SEMA6A: variants seen among roughly 807,000 people sequenced by gnomAD.
SEMA6A encodes the protein semaphorin-6A.
SEMA6A carries 25 observed loss-of-function variants against 96.8 expected under a neutral mutation model. That is an observed-to-expected ratio of 0.26 (90% CI 0.19 to 0.36). The LOEUF is 0.36. Among genes scored for constraint, SEMA6A ranks in the 10% least tolerant of loss-of-function variants. The probability of loss-of-function intolerance (pLI) is 1.00; values close to 1 mark genes in which losing one functional copy is unlikely to be tolerated. For synonymous variants in SEMA6A, 612 were observed against 518.0 expected (o/e 1.18, Z -2.46); for missense variants, 1,363 against 1,323.1 (o/e 1.03, Z -0.47).
intron 1 of SEMA6A, among the ~76,000 whole-genome samples, chr5:116,557,967 C>A (rs964679024): frequency 6.6e-6 from 1 of 152,208 alleles, no homozygotes; most frequent in African/African-American, 2.4e-5. Context: ...GGTTTCTCGG[C>A]ATTATGATAC....
At chr5:116,544,828 C>T (rs1760117526) in intron 1 of SEMA6A, among the ~76,000 whole-genome samples, 1 of 152,178 alleles carries the variant, frequency 6.6e-6, no homozygotes, top group South Asian at 2.1e-4. Context: ...ATATAGTGAA[C>T]CCCAAGCTTC....
chr5:116,536,362 T>A (rs982615064), intron 1 of SEMA6A: 2 of 152,026 alleles, frequency 1.3e-5, no homozygotes, highest in Non-Finnish European at 2.9e-5. Flanking sequence ...TTTAAATAGA[T>A]GAAGCTAACC....
At chr5:116,533,117 A>C (rs1407171923) in intron 1 of SEMA6A, among the ~76,000 whole-genome samples, 1 of 152,204 alleles carries the variant, frequency 6.6e-6, no homozygotes, top group East Asian at 1.9e-4. Context: ...TTTTACTGTT[A>C]ATTCAAACTA....
chr5:116,466,346 T>C (rs1449139312), intron 18 of SEMA6A, among the ~76,000 whole-genome samples: 5 of 142,758 alleles, frequency 3.5e-5, no homozygotes, highest in African/African-American at 1.3e-4. Context: ...ACCACTGCAC[T>C]CCAGCGTAGG....
At chr5:116,501,730 A>T (rs1757891284) in intron 3 of SEMA6A, among the ~76,000 whole-genome samples, 3 of 152,306 alleles carry the variant, frequency 2.0e-5, no homozygotes, top group South Asian at 4.1e-4. Context: ...TCTACTAAAA[A>T]TACCAAATTA....
chr5:116,491,922 T>C (rs920385523), intron 6 of SEMA6A, 92 bp from the exon 7 acceptor site: 3 of 968,630 alleles, frequency 3.1e-6, no homozygotes, highest in African/African-American at 3.2e-5. Context: ...ACAGGCCTTT[T>C]GTAATCTGTA....
In SEMA6A at chr5:116,478,675, A is replaced by G; in HGVS notation, c.1294T>C (p.Tyr432His). 6.2e-7 allele frequency: 1 copy of G among 1,613,810 alleles called. No homozygotes were observed. The highest frequency in any genetic ancestry group is 1.3e-5 in the African/African-American group (1 of 75,042). Residue 432 changes from tyrosine to histidine, a missense_variant, in exon 13 of 19, where the codon TAT becomes CAT. This residue lies in a region of SEMA6A where 480 missense variants were observed against 559.5 expected (regional missense o/e 0.86). Coordinates refer to ENST00000343348, the MANE Select transcript of SEMA6A (RefSeq NM_020796.5). ...AGAAAAACCACAGTGTGATTCTGATATGGCCCAGCAGCTGTGTCCACTGCA... is the reference window on the plus strand; with the variant it reads ...AGAAAAACCACAGTGTGATTCTGATGTGGCCCAGCAGCTGTGTCCACTGCA... ...KIAVDTAAGP[Y>H]QNHTVVFLGS...
chr5:116,449,639 C>T (rs1331364736), intron 18 of SEMA6A: 1 of 321,718 alleles, frequency 3.1e-6, no homozygotes, highest in Non-Finnish European at 5.7e-6. Flanking sequence ...GTCCTCCTCC[C>T]TTCAATTGTG....
chr5:116,558,885 C>G (rs1190243249), intron 1 of SEMA6A, among the ~76,000 whole-genome samples: 3 of 152,118 alleles, frequency 2.0e-5, no homozygotes, highest in African/African-American at 7.2e-5. Flanking sequence ...TATAAATATG[C>G]CCAACATTGA....
chr5:116,497,106 A>G (rs903205919), intron 4 of SEMA6A, among the ~76,000 whole-genome samples: 6 of 152,386 alleles, frequency 3.9e-5, no homozygotes, highest in South Asian at 2.1e-4. Flanking sequence ...TTCAAAATGT[A>G]TATGTACACA....
At chr5:116,543,199 CAACT>C (rs1439540125) in intron 1 of SEMA6A, among the ~76,000 whole-genome samples, 1 of 152,166 alleles carries the variant, frequency 6.6e-6, no homozygotes, top group East Asian at 1.9e-4. Context: ...TTCTACTTCA[CAACT>C]AACTAAATTT....
intron 1 of SEMA6A, among the ~76,000 whole-genome samples, chr5:116,530,407 A>C (rs1759417142): frequency 6.6e-6 from 1 of 152,168 alleles, no homozygotes; most frequent in African/African-American, 2.4e-5. Context: ...ATATTAATGC[A>C]GCTGAAAAGA....
intron 1 of SEMA6A, among the ~76,000 whole-genome samples, chr5:116,529,927 C>A (rs1759388237): frequency 1.3e-5 from 2 of 152,048 alleles, no homozygotes; most frequent in South Asian, 2.1e-4. Context: ...CATTCATATA[C>A]CAAGCCTCAA....
At chr5:116,472,927 T>G in intron 17 of SEMA6A, 146 bp downstream of exon 17, 1 of 1,524,490 alleles carries the variant, frequency 6.6e-7, no homozygotes, top group South Asian at 1.2e-5. Flanking sequence ...GGTAGAGGAG[T>G]TGAAATGTCT....
chr5:116,474,278 G>GCACA (rs113731062), intron 16 of SEMA6A, among the ~76,000 whole-genome samples: 9,505 of 147,282 alleles, frequency 0.065, 312 homozygotes, highest in East Asian at 0.13. Flanking sequence ...GTGCACGCAT[G>GCACA]CACACACACA....
rs759101522 is a variant in SEMA6A, at chr5:116,447,673, C to T, written c.2033G>A (p.Arg678His). ...ITVYCVCDHR[R>H]KDVAVVQRKE... ...GCGCTGCACCACAGCCACGTCTTTG[C>T]GCCGATGATCACAGACGCAGTAGAC... Residue 678 changes from arginine (R) to histidine (H), a missense_variant, in exon 19 of 19, where the codon CGC becomes CAC. Arg to His is a conservative substitution (Grantham distance 29). This residue lies in a region of SEMA6A where 883 missense variants were observed against 763.6 expected (regional missense o/e 1.16). Coordinates refer to ENST00000343348, the MANE Select transcript of SEMA6A (RefSeq NM_020796.5). 15 of 1,613,908 alleles carry T rather than the reference C, an allele frequency of 9.3e-6. No individual in the cohort carries two copies. Among genetic ancestry groups the T allele is most frequent in the South Asian group, 4.4e-5 (4 of 91,096 alleles).
intron 3 of SEMA6A, chr5:116,498,346 G>C (rs540079426): frequency 6.6e-6 from 1 of 152,008 alleles, no homozygotes; most frequent in Non-Finnish European, 1.5e-5. Flanking sequence ...AAGTCCCCTC[G>C]TTACTTAAAA....
intron 1 of SEMA6A, chr5:116,550,286 AT>A (rs760103286): frequency 5.3e-5 from 8 of 152,310 alleles, no homozygotes; most frequent in Non-Finnish European, 8.8e-5. Flanking sequence ...ATTGTCAGCA[AT>A]ATCTAGTTTA....
intron 18 of SEMA6A, among the ~76,000 whole-genome samples, chr5:116,453,839 A>G (rs1385624704): frequency 1.3e-5 from 2 of 152,214 alleles, no homozygotes; most frequent in Non-Finnish European, 2.9e-5. Flanking sequence ...TGCACCTTAC[A>G]CAAATAGCTG....
Sources: gnomAD v4.1 joint callset for allele counts (sites outside exome capture counted in the v4.1 genomes callset) on GRCh38, gnomAD v4.1.1 for gene constraint, gnomAD v4.1.1 regional missense constraint, MANE v1.5 for transcripts, NCBI Gene and HGNC (gene_info 2026-07-23, HGNC 2026-07-21) for gene names.